Variants in STARD3 observed in about 807,000 individuals in gnomAD.
STARD3 encodes stAR-related lipid transfer protein 3.
Under a neutral mutation model 62.0 loss-of-function variants are expected in STARD3, and 39 were observed. The observed-to-expected ratio is 0.63, with a 90% CI of 0.49 to 0.82. STARD3 has a LOEUF of 0.82. Ranked by LOEUF, STARD3 falls within the 40% of genes least tolerant of loss-of-function variation. The pLI is 0.00. For synonymous variants in STARD3, 229 were observed against 242.4 expected (o/e 0.94, Z 0.51); for missense variants, 543 against 584.5 (o/e 0.93, Z 0.73).
At chr17:39,648,265 C>A (rs1023962487) in intron 1 of STARD3, among the ~76,000 whole-genome samples, 2 of 151,498 alleles carry the variant, frequency 1.3e-5, no homozygotes, top group South Asian at 4.2e-4. Context: ...CCAGCCTGGG[C>A]GACAGAGTGA....
chr17:39,658,541 G>C lies in STARD3; in HGVS notation c.547+19G>C, dbSNP rs76589307. 8.0e-4 allele frequency: 1,282 copies of C among 1,610,266 alleles called. 23 individuals carry two copies. In the East Asian group the frequency reaches 0.022, roughly 28 times the overall value. On this transcript the variant is annotated intron_variant, in intron 6 of 14. Coordinates refer to ENST00000336308, the MANE Select transcript of STARD3 (RefSeq NM_006804.4). Reference sequence around the variant, plus strand: ...GAGCGATGTGAGTGCTTGCGGGTAGGGGGGTGCAGCGAGGGTTACCCACAG... The same window carrying C: ...GAGCGATGTGAGTGCTTGCGGGTAGCGGGGTGCAGCGAGGGTTACCCACAG...
At chr17:39,649,304 G>T (rs974179719) in intron 1 of STARD3, among the ~76,000 whole-genome samples, 1 of 152,200 alleles carries the variant, frequency 6.6e-6, no homozygotes, top group African/African-American at 2.4e-5. Context: ...CTGTCTTGAA[G>T]ATGTATTTCC....
chr17:39,647,403 T>C (rs2057036677), intron 1 of STARD3, among the ~76,000 whole-genome samples: 1 of 152,082 alleles, frequency 6.6e-6, no homozygotes, highest in Non-Finnish European at 1.5e-5. Context: ...AGTGGGCTCT[T>C]TTGGCAGTGG....
chr17:39,659,429 C>G, intron 8 of STARD3, 32 bp from the exon 9 acceptor site: 7 of 1,604,312 alleles, frequency 4.4e-6, no homozygotes, highest in Non-Finnish European at 6.0e-6. Flanking sequence ...AGGCCCCAGG[C>G]TGACCCCTCC....
intron 1 of STARD3, among the ~76,000 whole-genome samples, chr17:39,646,815 A>T (rs990204721): frequency 3.3e-5 from 5 of 151,928 alleles, no homozygotes; most frequent in African/African-American, 1.2e-4. Flanking sequence ...GCGTGTGCCC[A>T]CCCCTTCCCT....
intron 2 of STARD3, among the ~76,000 whole-genome samples, chr17:39,656,367 A>G (rs896570433): frequency 1.3e-5 from 2 of 152,134 alleles, no homozygotes; most frequent in African/African-American, 4.8e-5. Context: ...CCTGGTGTCC[A>G]TCCAGTTCCC....
At chr17:39,653,927 G>A (rs1431824611) in intron 2 of STARD3, among the ~76,000 whole-genome samples, 177 bp downstream of exon 2, 2 of 152,182 alleles carry the variant, frequency 1.3e-5, no homozygotes, top group African/African-American at 2.4e-5. Context: ...GGAGGGGTTC[G>A]GAGGGGTTGT....
chr17:39,661,962 G>T (rs1052795242), intron 13 of STARD3, among the ~76,000 whole-genome samples: 3 of 152,208 alleles, frequency 2.0e-5, no homozygotes, highest in African/African-American at 4.8e-5. Flanking sequence ...TCTGGACAGA[G>T]TGTATGAGGG....
At chr17:39,648,304 T>A (rs1342613953) in intron 1 of STARD3, among the ~76,000 whole-genome samples, 1 of 148,980 alleles carries the variant, frequency 6.7e-6, no homozygotes, top group Admixed American at 6.7e-5. Context: ...TAATAAAAAA[T>A]AAAAAAATAA....
intron 1 of STARD3, among the ~76,000 whole-genome samples, chr17:39,649,699 T>G (rs758950891): frequency 1.3e-5 from 2 of 151,822 alleles, no homozygotes; most frequent in Non-Finnish European, 2.9e-5. Flanking sequence ...AAACCTCATC[T>G]CTACTAAAAA....
chr17:39,647,067 C>T (rs1437227600), intron 1 of STARD3, among the ~76,000 whole-genome samples: 11 of 152,048 alleles, frequency 7.2e-5, no homozygotes, highest in African/African-American at 1.7e-4. Context: ...GGCGTGGTGG[C>T]GGGCACCTGT....
At chr17:39,655,068 G>A (rs985635926) in intron 2 of STARD3, among the ~76,000 whole-genome samples, 1 of 152,240 alleles carries the variant, frequency 6.6e-6, no homozygotes, top group African/African-American at 2.4e-5. Flanking sequence ...GTCTTAGGCA[G>A]ACTTCCTTTT....
chr17:39,650,634 C>T (rs534541318), intron 1 of STARD3, among the ~76,000 whole-genome samples: 1 of 152,048 alleles, frequency 6.6e-6, no homozygotes, highest in Non-Finnish European at 1.5e-5. Flanking sequence ...TAGTGAGACC[C>T]TCGTCTCTAA....
chr17:39,641,189 C>T (rs1348194714), intron 1 of STARD3, among the ~76,000 whole-genome samples: 3 of 152,200 alleles, frequency 2.0e-5, no homozygotes, highest in Non-Finnish European at 4.4e-5. Flanking sequence ...TCTCCTGTTC[C>T]AGGGTGGACA....
intron 13 of STARD3, 61 bp downstream of exon 13, chr17:39,661,146 T>C: frequency 2.0e-6 from 3 of 1,500,194 alleles, no homozygotes; most frequent in Non-Finnish European, 1.8e-6. Context: ...CATTGAGCAG[T>C]GCAGGGTACA....
chr17:39,644,841 G>C (rs1322850474), intron 1 of STARD3, among the ~76,000 whole-genome samples: 1 of 147,766 alleles, frequency 6.8e-6, no homozygotes, highest in Non-Finnish European at 1.5e-5. Flanking sequence ...CAGCATGGGC[G>C]ACAGAGTCTC....
chr17:39,661,089 A>C lies in STARD3; in HGVS notation c.1139+4A>C. The C allele has an allele frequency of 6.2e-7, 1 of 1,613,174 alleles. No homozygotes were observed. The highest frequency in any genetic ancestry group is 1.7e-5 in the Admixed American group (1 of 60,002). On this transcript the variant is annotated splice_donor_region_variant and intron_variant, in intron 13 of 14. Transcript: ENST00000336308. ...CCCCGACGCACAAATATGTCCGGTG[A>C]GCCTCACTTTGCCTGGGGTCACCCC...
At position 39,662,541 on chromosome 17, in the gene STARD3, C is replaced by T. The variant is rs546809652; in HGVS notation, c.1233+197C>T. 17 of 643,868 alleles carry T rather than the reference C, an allele frequency of 2.6e-5. No individual in the cohort carries two copies. The South Asian group carries it at 3.3e-4, about 12-fold the overall frequency. 39.9% of individuals were successfully genotyped at this position (643,868 alleles called of 1,614,324 possible). A position where few individuals can be genotyped will look rare whatever the true frequency, so the allele number is the denominator to read the frequency against. ...GGTTGCTGTAGGGCATGTGCCCCCC[C>T]TTCTTACCTCTGAGTCCTGAGGCCC... is the stretch of plus-strand genomic sequence containing the variant. On this transcript the variant is annotated intron_variant, in intron 14 of 14. Transcript: ENST00000336308.
intron 1 of STARD3, among the ~76,000 whole-genome samples, chr17:39,649,722 T>C (rs980771306): frequency 6.6e-6 from 1 of 151,918 alleles, no homozygotes; most frequent in Non-Finnish European, 1.5e-5. Context: ...CAAAGTTAGC[T>C]GGACATGGTG....
Sources: allele counts gnomAD v4.1 joint callset (sites outside exome capture counted in the v4.1 genomes callset), GRCh38; gene constraint gnomAD v4.1.1; transcripts MANE v1.5; gene names NCBI Gene and HGNC (gene_info 2026-07-23, HGNC 2026-07-21).